The following PRKAA2 variants were observed in gnomAD, a reference collection of about 807,000 sequenced individuals.
PRKAA2 encodes protein kinase AMP-activated catalytic subunit alpha 2, also known as 5'-AMP-activated protein kinase catalytic subunit alpha-2.
In PRKAA2, 40 loss-of-function variants were observed where a neutral mutation model predicts 56.3. The ratio of observed to expected loss-of-function variants is 0.71; its 90% CI spans 0.55 to 0.92. The LOEUF is 0.92. PRKAA2 is among the 40% of genes least tolerant of loss of function. PRKAA2 has a pLI of 0.00. For missense variants in PRKAA2, 542 were observed against 686.9 expected, an observed-to-expected ratio of 0.79 and a Z score of 2.36; for synonymous variants, 214 against 234.2, an observed-to-expected ratio of 0.91 and a Z score of 0.79.
chr1:56,654,279 T>C (rs985138250), intron 1 of PRKAA2, among the ~76,000 whole-genome samples: 4 of 152,182 alleles, frequency 2.6e-5, no homozygotes, highest in African/African-American at 4.8e-5. Context: ...AATGTCCACT[T>C]ACCTTGTGGT....
intron 1 of PRKAA2, among the ~76,000 whole-genome samples, chr1:56,668,213 A>G (rs1356799689): frequency 6.9e-6 from 1 of 144,078 alleles, no homozygotes; most frequent in Non-Finnish European, 1.5e-5. Context: ...GAATTGAACA[A>G]TGAGATCACA....
chr1:56,655,280 A>ATATATATTTTTTTTTTTTTTTTTTT, intron 1 of PRKAA2, among the ~76,000 whole-genome samples: 2 of 93,654 alleles, frequency 2.1e-5, no homozygotes, highest in South Asian at 5.3e-4. Flanking sequence ...ATATATATAT[A>ATATATATTTTTTTTTTTTTTTTTTT]TTTTTTTTTT....
chr1:56,694,240 G>T (rs1437856099), intron 5 of PRKAA2, among the ~76,000 whole-genome samples: 1 of 151,936 alleles, frequency 6.6e-6, no homozygotes, highest in East Asian at 1.9e-4. Flanking sequence ...TTTATATTTT[G>T]TGTTTGGAAA....
intron 1 of PRKAA2, among the ~76,000 whole-genome samples, chr1:56,649,383 T>C (rs2100375820): frequency 6.6e-6 from 1 of 152,280 alleles, no homozygotes; most frequent in South Asian, 2.1e-4. Context: ...TAGGAGATGA[T>C]GTAATTTTAA....
chr1:56,670,007 A>G (rs1032502675), intron 1 of PRKAA2, among the ~76,000 whole-genome samples: 2 of 152,218 alleles, frequency 1.3e-5, no homozygotes, highest in Non-Finnish European at 2.9e-5. Flanking sequence ...TTAAAATTCC[A>G]TAGCTTTAGA....
rs1198248230 is a variant in PRKAA2, at chr1:56,707,539, A to G, written c.1485A>G (p.Leu495=). ...AGCGTTCCTGTTCTGCTGCTGGCTTACACAGACCAAGATCAAGTTTTGATT... is the reference window on the plus strand; with the variant it reads ...AGCGTTCCTGTTCTGCTGCTGGCTTGCACAGACCAAGATCAAGTTTTGATT... The part of the protein sequence containing the change: ...TPQRSCSAAG[L]HRPRSSFDST... The change falls in exon 9 of 9, where the codon TTA becomes TTG. Residue 495 remains leucine, a synonymous_variant. Transcript: ENST00000371244. 4 of 1,614,044 alleles carry G rather than the reference A, an allele frequency of 2.5e-6. No individual in the cohort carries two copies. The South Asian group carries it at 3.3e-5, about 13-fold the overall frequency.
intron 4 of PRKAA2, 147 bp downstream of exon 4, chr1:56,692,649 T>TC: frequency 1.4e-6 from 1 of 698,690 alleles, no homozygotes; most frequent in Admixed American, 3.9e-5. Flanking sequence ...CTTTTTTTTT[T>TC]CATTTAATTA....
chr1:56,646,914 C>T (rs1646647699), intron 1 of PRKAA2, among the ~76,000 whole-genome samples: 1 of 152,148 alleles, frequency 6.6e-6, no homozygotes, highest in Admixed American at 6.5e-5. Flanking sequence ...AAAAACAGAT[C>T]TTTTTGTTTA....
At chr1:56,705,306 G>A (rs949127167) in intron 7 of PRKAA2, among the ~76,000 whole-genome samples, 1 of 152,098 alleles carries the variant, frequency 6.6e-6, no homozygotes, top group African/African-American at 2.4e-5. Context: ...AAAAAGAGAC[G>A]TTAACATTTT....
chr1:56,701,887 C>G lies in PRKAA2; in HGVS notation c.789-2084C>G, dbSNP rs185295170. Reference sequence around the variant, plus strand: ...CCAGCCTGGGTGACTGAGCGAGACTCTGTCTCAAAAAAAAAAAGAAGTTGT... The same window carrying G: ...CCAGCCTGGGTGACTGAGCGAGACTGTGTCTCAAAAAAAAAAAGAAGTTGT... On this transcript the variant is annotated intron_variant, in intron 6 of 8. Coordinates refer to ENST00000371244, the MANE Select transcript of PRKAA2 (RefSeq NM_006252.4). Among the ~76,000 whole-genome samples the G allele has an allele frequency of 1.5e-4, 23 of 150,294 alleles. No individual in the cohort carries two copies. In the East Asian group the frequency reaches 4.0e-3, roughly 26 times the overall value.
intron 6 of PRKAA2, among the ~76,000 whole-genome samples, chr1:56,698,613 C>T (rs578055172): frequency 1.3e-5 from 2 of 152,214 alleles, no homozygotes; most frequent in Admixed American, 1.3e-4. Flanking sequence ...TTATACTATT[C>T]CAAATTGTTA....
intron 1 of PRKAA2, among the ~76,000 whole-genome samples, chr1:56,651,661 A>G (rs1643899342): frequency 6.6e-6 from 1 of 152,160 alleles, no homozygotes; most frequent in Non-Finnish European, 1.5e-5. Context: ...ATATTTAGAG[A>G]TAAATAACGT....
intron 1 of PRKAA2, among the ~76,000 whole-genome samples, chr1:56,671,088 G>C (rs1218024912): frequency 6.6e-6 from 1 of 151,926 alleles, no homozygotes; most frequent in African/African-American, 2.4e-5. Context: ...AATTTCTTTT[G>C]TTTCGATTTA....
chr1:56,685,275 C>G (rs970167820), intron 2 of PRKAA2, among the ~76,000 whole-genome samples: 1 of 151,994 alleles, frequency 6.6e-6, no homozygotes, highest in African/African-American at 2.4e-5. Context: ...ACACCTGAAA[C>G]AGTGACAGTA....
intron 2 of PRKAA2, among the ~76,000 whole-genome samples, chr1:56,685,566 A>G (rs1644185311): frequency 6.6e-6 from 1 of 152,222 alleles, no homozygotes; most frequent in South Asian, 2.1e-4. Context: ...ATGTGTCAGA[A>G]AAAGAGACAC....
In PRKAA2 at chr1:56,713,574, T is replaced by G. The variant is rs996006927; in HGVS notation, c.*5861T>G. Reference sequence around the variant, plus strand: ...TGGAGAATATCCTGGCATGAAAACTTTTTTGAATAATACGTAGAATTTTGA... The same window carrying G: ...TGGAGAATATCCTGGCATGAAAACTGTTTTGAATAATACGTAGAATTTTGA... On this transcript the variant is annotated 3_prime_UTR_variant, in exon 9 of 9. Transcript: ENST00000371244. The G allele has an allele frequency of 1.3e-5, 2 of 152,106 alleles. No individual in the cohort carries two copies. Among genetic ancestry groups the G allele is most frequent in the African/African-American group, 4.8e-5 (2 of 41,420 alleles). 9.4% of individuals were successfully genotyped at this position (152,106 alleles called of 1,614,324 possible).
At chr1:56,679,503 A>G (rs977530646) in intron 2 of PRKAA2, among the ~76,000 whole-genome samples, 2 of 152,136 alleles carry the variant, frequency 1.3e-5, no homozygotes, top group East Asian at 3.9e-4. Context: ...CCAAGCCCCA[A>G]ACTTGGGCAA....
chr1:56,663,976 A>G (rs903431725), intron 1 of PRKAA2, among the ~76,000 whole-genome samples: 8 of 152,108 alleles, frequency 5.3e-5, no homozygotes, highest in Admixed American at 1.3e-4. Flanking sequence ...GTGCACGCCT[A>G]TGGTTACAGT....
intron 3 of PRKAA2, among the ~76,000 whole-genome samples, chr1:56,691,966 G>C (rs943416814): frequency 6.0e-5 from 9 of 150,946 alleles, no homozygotes; most frequent in Non-Finnish European, 1.2e-4. Flanking sequence ...CATAATTCTA[G>C]CTTGCTTAAT....
Sources: allele counts gnomAD v4.1 joint callset (sites outside exome capture counted in the v4.1 genomes callset), GRCh38; gene constraint gnomAD v4.1.1; transcripts MANE v1.5; gene names NCBI Gene and HGNC (gene_info 2026-07-23, HGNC 2026-07-21).